The following MKLN1 variants were observed in gnomAD, a reference collection of about 807,000 sequenced individuals.
The protein encoded by MKLN1 is muskelin 1.
MKLN1 carries 18 observed loss-of-function variants against 99.0 expected under a neutral mutation model. The ratio of observed to expected loss-of-function variants is 0.18; its 90% confidence interval spans 0.13 to 0.27. The LOEUF is 0.27. MKLN1 is among the 10% of genes least tolerant of loss of function. The probability of loss-of-function intolerance (pLI) is 1.00; values close to 1 mark genes in which losing one functional copy is unlikely to be tolerated. For missense variants in MKLN1, 621 were observed against 875.9 expected, an observed-to-expected ratio of 0.71 and a Z score of 3.67; for synonymous variants, 288 against 293.2, an observed-to-expected ratio of 0.98 and a Z score of 0.18.
At chr7:131,182,058 C>A (rs948788249) in intron 2 of MKLN1, among the ~76,000 whole-genome samples, 2 of 151,972 alleles carry the variant, frequency 1.3e-5, no homozygotes, top group Non-Finnish European at 2.9e-5. Flanking sequence ...TGCTGGAACC[C>A]GGGACGGGGA....
At chr7:131,195,384 G>A (rs1464931377) in intron 2 of MKLN1, among the ~76,000 whole-genome samples, 2 of 151,966 alleles carry the variant, frequency 1.3e-5, no homozygotes, top group African/African-American at 2.4e-5. Flanking sequence ...GGTGGCACGT[G>A]CCTGTAATCC....
At chr7:131,414,588 C>A in intron 7 of MKLN1, 57 bp from the exon 8 acceptor site, 1 of 1,207,688 alleles carries the variant, frequency 8.3e-7, no homozygotes, top group East Asian at 2.6e-5. Flanking sequence ...AATAAATTTA[C>A]TCTGGATATG....
At chr7:131,138,672 GGTAA>G (rs1263185575) in intron 1 of MKLN1, among the ~76,000 whole-genome samples, 1 of 151,840 alleles carries the variant, frequency 6.6e-6, no homozygotes, top group Non-Finnish European at 1.5e-5. Context: ...ATATTCAGCG[GGTAA>G]GTGACTATTG....
chr7:131,197,953 G>A (rs1405924949), intron 2 of MKLN1, among the ~76,000 whole-genome samples: 2 of 151,954 alleles, frequency 1.3e-5, no homozygotes, highest in East Asian at 3.8e-4. Flanking sequence ...TCCCACCTCG[G>A]CCTCCTGAGT....
At chr7:131,464,439 C>G (rs1203003943) in intron 14 of MKLN1, 31 bp downstream of exon 14, 1 of 1,280,692 alleles carries the variant, frequency 7.8e-7, no homozygotes. Flanking sequence ...TGTAAACTTT[C>G]CATGGCCTAC....
At position 131,133,819 on chromosome 7, in the gene MKLN1, G is replaced by GTTTTTTTTTTTTTTTTTTTTTTTTTTT. The variant is rs1563226557; in HGVS notation, c.-418-9001_-418-9000insTTTTTTTTTTTTTTTTTTTTTTTTTTT. On this transcript the variant is annotated intron_variant, in intron 1 of 7. Coordinates refer to the MKLN1 transcript ENST00000416992. ...ACTTCTTTTTTTTTTTTTTTAATTT[G>GTTTTTTTTTTTTTTTTTTTTTTTTTTT]GTTTTTTTTTTTTTTTTTTTTTTTT... Among the ~76,000 whole-genome samples the GTTTTTTTTTTTTTTTTTTTTTTTTTTT allele has an allele frequency of 7.4e-5, 5 of 67,236 alleles. 1 individual carries two copies. Among genetic ancestry groups the GTTTTTTTTTTTTTTTTTTTTTTTTTTT allele is most frequent in the African/African-American group, 1.0e-4 (2 of 19,614 alleles). The allele number at this position is 67,236 out of a possible 152,430, so 44.1% of individuals were successfully genotyped here.
intron 1 of MKLN1, among the ~76,000 whole-genome samples, chr7:131,373,514 A>T (rs940217218): frequency 6.6e-6 from 1 of 152,106 alleles, no homozygotes; most frequent in Non-Finnish European, 1.5e-5. Context: ...TGTGCTTTTT[A>T]AAAAAATTCA....
chr7:131,269,043 CG>C (rs1797848259), intron 3 of MKLN1, among the ~76,000 whole-genome samples: 1 of 152,138 alleles, frequency 6.6e-6, no homozygotes, highest in Non-Finnish European at 1.5e-5. Context: ...TTGTAAGTTG[CG>C]AACACACTTG....
In MKLN1 at chr7:131,328,574, A is replaced by G. The variant is rs181151161; in HGVS notation, c.98+577A>G. 2.5e-4 allele frequency among the ~76,000 whole-genome samples: 38 copies of G among 152,292 alleles called. 1 individual carries two copies. In the East Asian group the frequency reaches 4.8e-3, roughly 19 times the overall value. On this transcript the variant is annotated intron_variant, in intron 1 of 17. Transcript: ENST00000352689. The stretch of plus-strand genomic sequence containing the variant: ...CTAGCAGGCGGGGAGAACTTGTAGG[A>G]TTGGCAGACGTTGTCTTTAATGCCT...
intron 2 of MKLN1, among the ~76,000 whole-genome samples, chr7:131,157,591 T>C (rs1025576583): frequency 6.6e-6 from 1 of 152,228 alleles, no homozygotes; most frequent in Non-Finnish European, 1.5e-5. Context: ...TCATCAGCTA[T>C]GGTCATCATT....
intron 3 of MKLN1, among the ~76,000 whole-genome samples, chr7:131,299,548 GA>G (rs1199177089): frequency 1.3e-5 from 2 of 152,064 alleles, no homozygotes; most frequent in African/African-American, 4.8e-5. Context: ...TTCCCATTTA[GA>G]AAAAAAGTGT....
chr7:131,470,525 G>A (rs1227614420), intron 15 of MKLN1, among the ~76,000 whole-genome samples: 4 of 152,234 alleles, frequency 2.6e-5, no homozygotes, highest in South Asian at 2.1e-4. Flanking sequence ...TATAAAATAC[G>A]TAGTATATTC....
intron 2 of MKLN1, among the ~76,000 whole-genome samples, chr7:131,189,834 T>A (rs756540690): frequency 1.3e-5 from 2 of 152,146 alleles, no homozygotes; most frequent in African/African-American, 2.4e-5. Flanking sequence ...ACGGAGCTGT[T>A]GATGTTATTG....
chr7:131,180,632 G>A (rs1796365017), intron 2 of MKLN1, among the ~76,000 whole-genome samples: 1 of 151,504 alleles, frequency 6.6e-6, no homozygotes, highest in Non-Finnish European at 1.5e-5. Flanking sequence ...CTGAGAGGTG[G>A]AGGTTGCAGT....
chr7:131,446,220 A>G (rs373210120), intron 12 of MKLN1, among the ~76,000 whole-genome samples: 1 of 151,990 alleles, frequency 6.6e-6, no homozygotes, highest in East Asian at 1.9e-4. Flanking sequence ...TTCATCTTCT[A>G]TTTTCACTGT....
intron 3 of MKLN1, among the ~76,000 whole-genome samples, chr7:131,224,577 TTAAAA>T (rs1354399670): frequency 6.6e-6 from 1 of 151,612 alleles, no homozygotes; most frequent in Non-Finnish European, 1.5e-5. Context: ...AAATAAAGAA[TTAAAA>T]TAAATAAAAA....
At chr7:131,334,888 C>G (rs1261918891) in intron 1 of MKLN1, among the ~76,000 whole-genome samples, 1 of 152,044 alleles carries the variant, frequency 6.6e-6, no homozygotes, top group Non-Finnish European at 1.5e-5. Flanking sequence ...TTAGAGATCC[C>G]TAATTACTGT....
At chr7:131,246,603 CT>C (rs1797493215) in intron 3 of MKLN1, among the ~76,000 whole-genome samples, 1 of 150,894 alleles carries the variant, frequency 6.6e-6, no homozygotes, top group Admixed American at 6.6e-5. Flanking sequence ...CATTACAATA[CT>C]AAGGAAAATC....
intron 3 of MKLN1, among the ~76,000 whole-genome samples, chr7:131,272,229 T>C (rs1797895913): frequency 6.6e-6 from 1 of 152,234 alleles, no homozygotes; most frequent in African/African-American, 2.4e-5. Context: ...AATAACCTTC[T>C]GTTGTGTTAA....
Sources: gnomAD v4.1 joint callset for allele counts (sites outside exome capture counted in the v4.1 genomes callset) on GRCh38, gnomAD v4.1.1 for gene constraint, MANE v1.5 for transcripts, NCBI Gene and HGNC (gene_info 2026-07-23, HGNC 2026-07-21) for gene names.